The following NAA20 variants were observed in gnomAD, a reference collection of about 807,000 sequenced individuals.
NAA20 encodes N-alpha-acetyltransferase 20.
In NAA20, 24 loss-of-function variants were observed where a neutral mutation model predicts 23.8. That is an observed-to-expected ratio of 1.01 (90% CI 0.73 to 1.42). The LOEUF (loss-of-function observed/expected upper bound fraction) is 1.42. Among genes scored for constraint, NAA20 ranks in the 40% most tolerant of loss-of-function variants. The pLI, the probability that NAA20 is intolerant of heterozygous loss-of-function variation, is 0.00. For missense variants in NAA20, 166 were observed against 223.1 expected, an observed-to-expected ratio of 0.74 and a Z score of 1.63; for synonymous variants, 83 against 77.7, an observed-to-expected ratio of 1.07 and a Z score of -0.36.
At chr20:20,023,721 C>CT (rs1249501924) in intron 2 of NAA20, among the ~76,000 whole-genome samples, 1 of 152,166 alleles carries the variant, frequency 6.6e-6, no homozygotes, top group Non-Finnish European at 1.5e-5. Flanking sequence ...AGAGTTCAGT[C>CT]TCATCAGTCA....
intron 4 of NAA20, 149 bp downstream of exon 4, chr20:20,027,068 T>A: frequency 1.7e-6 from 2 of 1,160,378 alleles, no homozygotes; most frequent in Non-Finnish European, 2.4e-6. Flanking sequence ...TATCACATAG[T>A]CAAAGTGATA....
In NAA20 at chr20:20,018,986, A is replaced by T. The variant is rs554661509; in HGVS notation, c.53+1537A>T. 7.8e-5 allele frequency: 75 copies of T among 965,428 alleles called. No individual in the cohort carries two copies. In the African/African-American group the frequency reaches 1.3e-3, roughly 17 times the overall value. The allele number at this position is 965,428 out of a possible 1,614,324, so 59.8% of individuals were successfully genotyped here. ...GTTAGAAACGCACATTCCGTTTGCGATCCACTGCTCTGGAGTGGGTCTTAA... is the reference window on the plus strand; with the variant it reads ...GTTAGAAACGCACATTCCGTTTGCGTTCCACTGCTCTGGAGTGGGTCTTAA... On this transcript the variant is annotated intron_variant, in intron 1 of 5. Coordinates refer to ENST00000334982, the MANE Select transcript of NAA20 (RefSeq NM_016100.5).
intron 4 of NAA20, 147 bp downstream of exon 4, chr20:20,027,066 A>T: frequency 8.6e-7 from 1 of 1,164,756 alleles, no homozygotes; most frequent in Non-Finnish European, 1.2e-6. Flanking sequence ...TCTATCACAT[A>T]GTCAAAGTGA....
chr20:20,017,292 C>G, upstream of NAA20: 3 of 1,470,422 alleles, frequency 2.0e-6, no homozygotes, highest in South Asian at 3.6e-5. Flanking sequence ...AGCCCGGAAG[C>G]AGTACCCCGT....
intron 1 of NAA20, 106 bp downstream of exon 1, chr20:20,017,555 A>G (rs888757903): frequency 6.3e-6 from 9 of 1,430,202 alleles, no homozygotes; most frequent in Non-Finnish European, 8.3e-6. Context: ...CCAAGCCCGG[A>G]CGGGGACCCG....
Position 20,017,437 on chromosome 20 carries a change from G to T in NAA20, c.41G>T (p.Arg14Leu). Residue 14 changes from arginine to leucine, a missense_variant, in exon 1 of 6, where the codon CGC (arginine) becomes CTC (leucine). Coordinates refer to ENST00000334982, the MANE Select transcript of NAA20 (RefSeq NM_016100.5). Reference sequence around the variant, plus strand: ...GCCTTTACCTGCGACGACCTGTTCCGCTTCAACAACATGTGAGTGACACGC... The same window carrying T: ...GCCTTTACCTGCGACGACCTGTTCCTCTTCAACAACATGTGAGTGACACGC... ...LRAFTCDDLFRFNNINLDPLT... is the reference protein window; with the variant it reads ...LRAFTCDDLFLFNNINLDPLT... 3 of 1,611,436 alleles carry T rather than the reference G, an allele frequency of 1.9e-6. No homozygotes were observed. Among genetic ancestry groups the T allele is most frequent in the Non-Finnish European group, 2.5e-6 (3 of 1,179,202 alleles).
chr20:20,024,512 T>G (rs1016682069), intron 2 of NAA20, among the ~76,000 whole-genome samples: 2 of 152,234 alleles, frequency 1.3e-5, no homozygotes, highest in African/African-American at 4.8e-5. Context: ...TTTTAAGATT[T>G]TTGAAGAATT....
In NAA20 at chr20:20,025,683, A is replaced by C; in HGVS notation, c.85A>C (p.Ile29Leu). The change falls in exon 3 of 6, where the codon ATT (isoleucine) becomes CTT (leucine). Residue 29 changes from isoleucine to leucine, a missense_variant. Physicochemically the swap from Ile to Leu is conservative, Grantham distance 5. Transcript: ENST00000334982. Reference protein sequence around the residue: ...NLDPLTETYGIPFYLQYLAHW... With the variant: ...NLDPLTETYGLPFYLQYLAHW... ...CTCCTTAACAGGACTCTAGTATGGG[A>C]TTCCTTTCTACCTACAATACCTCGC... 6.2e-7 allele frequency: 1 copy of C among 1,608,390 alleles called. No homozygotes were observed. The highest frequency in any genetic ancestry group is 8.5e-7 in the Non-Finnish European group (1 of 1,174,846).
At chr20:20,019,098 C>A (rs573326010) in intron 1 of NAA20, among the ~76,000 whole-genome samples, 1 of 152,342 alleles carries the variant, frequency 6.6e-6, no homozygotes, top group East Asian at 1.9e-4. Flanking sequence ...CCTCCTGACC[C>A]TTGAATCGGA....
chr20:20,023,975 C>T (rs1293537676), intron 2 of NAA20, among the ~76,000 whole-genome samples: 2 of 152,098 alleles, frequency 1.3e-5, no homozygotes, highest in East Asian at 3.9e-4. Context: ...AAAATAAGGC[C>T]CATAGGCCAA....
At chr20:20,029,503 G>T (rs572776740) in intron 4 of NAA20, among the ~76,000 whole-genome samples, 1 of 151,870 alleles carries the variant, frequency 6.6e-6, no homozygotes, top group South Asian at 2.1e-4. Flanking sequence ...TGTAATCCCA[G>T]CTACTCGGGA....
intron 2 of NAA20, among the ~76,000 whole-genome samples, chr20:20,024,756 C>T (rs2043295915): frequency 6.6e-6 from 1 of 152,088 alleles, no homozygotes; most frequent in Non-Finnish European, 1.5e-5. Context: ...GGCTGGCTGG[C>T]AGGAAGACTG....
intron 1 of NAA20, among the ~76,000 whole-genome samples, chr20:20,022,010 G>T (rs73605565): frequency 0.076 from 11,598 of 152,158 alleles, 1,323 homozygotes; most frequent in East Asian, 0.6. Context: ...CGAGTGGTGG[G>T]AGTGACCACA....
intron 4 of NAA20, 120 bp from the exon 5 acceptor site, chr20:20,032,388 A>T: frequency 1.1e-6 from 1 of 869,814 alleles, no homozygotes; most frequent in Non-Finnish European, 1.7e-6. Context: ...AGGTCCTATT[A>T]CTACCATTCT....
At position 20,032,675 on chromosome 20, in the gene NAA20, T is replaced by G. The variant is rs767515358; in HGVS notation, c.451+22T>G. On this transcript the variant is annotated intron_variant, in intron 5 of 5. Coordinates refer to ENST00000334982, the MANE Select transcript of NAA20 (RefSeq NM_016100.5). Reference sequence around the variant, plus strand: ...TATGGTAAGCTCCCTTCCATGGCAGTATCCCCAAGAAGTCGAAACAGTTAC... The same window carrying G: ...TATGGTAAGCTCCCTTCCATGGCAGGATCCCCAAGAAGTCGAAACAGTTAC... 13 of 1,560,262 alleles carry G rather than the reference T, an allele frequency of 8.3e-6. No homozygotes were observed. The East Asian group carries it at 1.1e-4, about 14-fold the overall frequency.
chr20:20,029,400 T>G (rs2146467524), intron 4 of NAA20, among the ~76,000 whole-genome samples: 1 of 152,188 alleles, frequency 6.6e-6, no homozygotes, highest in South Asian at 2.1e-4. Context: ...GTGGATCACT[T>G]GAGGTCAGGA....
chr20:20,027,751 ATTT>A (rs11367808), intron 4 of NAA20, among the ~76,000 whole-genome samples: 4 of 139,794 alleles, frequency 2.9e-5, no homozygotes, highest in Non-Finnish European at 3.2e-5. Context: ...CCAGCATGGC[ATTT>A]TTTTTTTTTT....
chr20:20,027,968 G>C (rs1417814828), intron 4 of NAA20, among the ~76,000 whole-genome samples: 1 of 152,050 alleles, frequency 6.6e-6, no homozygotes, highest in Non-Finnish European at 1.5e-5. Flanking sequence ...TGCTGAGAAG[G>C]GTTCTTGAGC....
At chr20:20,028,564 C>T (rs2043322006) in intron 4 of NAA20, among the ~76,000 whole-genome samples, 1 of 152,162 alleles carries the variant, frequency 6.6e-6, no homozygotes, top group Non-Finnish European at 1.5e-5. Flanking sequence ...TAGATTCTCC[C>T]TCTGAGTAGA....
Sources: gnomAD v4.1 joint callset for allele counts (sites outside exome capture counted in the v4.1 genomes callset) on GRCh38, gnomAD v4.1.1 for gene constraint, MANE v1.5 for transcripts, NCBI Gene and HGNC (gene_info 2026-07-23, HGNC 2026-07-21) for gene names.